Variants in RYR2 observed in about 807,000 individuals in gnomAD.
RYR2 encodes ryanodine receptor 2.
Under a neutral mutation model 601.1 loss-of-function variants are expected in RYR2, and 227 were observed. The observed-to-expected ratio is 0.38, with a 90% CI of 0.34 to 0.42. The LOEUF is 0.42. RYR2 is among the 10% of genes least tolerant of loss of function. RYR2 has a pLI of 1.00. For synonymous variants in RYR2, 2,223 were observed against 2,175.1 expected (o/e 1.02, Z -0.61); for missense variants, 4,646 against 6,156.5 (o/e 0.75, Z 8.21).
intron 61 of RYR2, among the ~76,000 whole-genome samples, chr1:237,678,509 C>T (rs1573482855): frequency 6.6e-6 from 1 of 152,176 alleles, no homozygotes; most frequent in Non-Finnish European, 1.5e-5. Flanking sequence ...ATTATAAGAA[C>T]ATTTAGTACA....
At chr1:237,727,375 G>T (rs1690288695) in intron 76 of RYR2, among the ~76,000 whole-genome samples, 176 bp downstream of exon 76, 1 of 152,116 alleles carries the variant, frequency 6.6e-6, no homozygotes, top group Non-Finnish European at 1.5e-5. Context: ...GAGAACTGTG[G>T]TCTTTAATGT....
chr1:237,373,053 A>T (rs56364275), intron 6 of RYR2, among the ~76,000 whole-genome samples: 1 of 152,232 alleles, frequency 6.6e-6, no homozygotes. Flanking sequence ...AAAAATTACA[A>T]AAGACTTTAA....
intron 1 of RYR2, among the ~76,000 whole-genome samples, chr1:237,152,578 T>C (rs1391815452): frequency 1.3e-5 from 2 of 152,168 alleles, no homozygotes; most frequent in Non-Finnish European, 2.9e-5. Flanking sequence ...TCATTGTGGT[T>C]TTGATTTGCA....
chr1:237,606,448 C>A (rs1365222235), intron 35 of RYR2, among the ~76,000 whole-genome samples: 2 of 152,164 alleles, frequency 1.3e-5, no homozygotes, highest in Non-Finnish European at 1.5e-5. Flanking sequence ...AATGTTCGAC[C>A]TAAAACCATA....
At chr1:237,286,529 T>TA (rs1691578680) in intron 2 of RYR2, among the ~76,000 whole-genome samples, 1 of 16,526 alleles carries the variant, frequency 6.1e-5, no homozygotes, top group South Asian at 4.3e-3. Flanking sequence ...TAAGTCCATT[T>TA]CTTCCAATGT....
chr1:237,739,167 T>C (rs188204651), intron 79 of RYR2, among the ~76,000 whole-genome samples: 2 of 152,366 alleles, frequency 1.3e-5, no homozygotes, highest in Non-Finnish European at 2.9e-5. Context: ...CTAAATCATG[T>C]GCTTACTGCT....
At chr1:237,347,757 C>CA (rs1429998397) in intron 3 of RYR2, among the ~76,000 whole-genome samples, 2 of 142,606 alleles carry the variant, frequency 1.4e-5, no homozygotes, top group Non-Finnish European at 2.9e-5. Flanking sequence ...GTGGGAAAAA[C>CA]AAAAAACAAG....
chr1:237,594,699 CT>C (rs1450123406), intron 33 of RYR2, among the ~76,000 whole-genome samples: 2 of 151,746 alleles, frequency 1.3e-5, no homozygotes, highest in Admixed American at 1.3e-4. Flanking sequence ...TTATCCCAGC[CT>C]TTTTGTTCTT....
In RYR2 at chr1:237,792,222, C is replaced by T. The variant is rs372599604; in HGVS notation, c.13681C>T (p.Leu4561=). The change falls in exon 94 of 105, where the codon CTA becomes TTA. Residue 4561 remains leucine (L), a synonymous_variant. Transcript: ENST00000366574. ...TAGAATCATCGCAGTTCACTATGTA[C>T]TAGAGGAGAGCAGCGGCTACATGGA... ...SHRIIAVHYV[L]EESSGYMEPT... is the part of the protein sequence containing the mutation. The T allele has an allele frequency of 2.5e-6, 4 of 1,613,638 alleles. No individual in the cohort carries two copies. The highest frequency in any genetic ancestry group is 1.6e-4 in the Middle Eastern group (1 of 6,084).
chr1:237,139,832 A>G (rs563689115), intron 1 of RYR2, among the ~76,000 whole-genome samples: 4 of 152,230 alleles, frequency 2.6e-5, no homozygotes, highest in Non-Finnish European at 5.9e-5. Context: ...GACAGACTCT[A>G]TGGTACTGAA....
chr1:237,344,903 C>G (rs527806050), intron 3 of RYR2, among the ~76,000 whole-genome samples: 1 of 152,148 alleles, frequency 6.6e-6, no homozygotes, highest in East Asian at 1.9e-4. Flanking sequence ...CTCTGCCTCC[C>G]GGATTCAAGC....
intron 1 of RYR2, among the ~76,000 whole-genome samples, chr1:237,147,097 AAT>A (rs757018734): frequency 2.0e-5 from 3 of 152,218 alleles, no homozygotes; most frequent in Non-Finnish European, 4.4e-5. Context: ...ATCTATTGAA[AAT>A]ATAGATGTGA....
intron 97 of RYR2, 69 bp downstream of exon 97, chr1:237,798,239 C>T (rs1190037617): frequency 5.6e-6 from 8 of 1,418,640 alleles, no homozygotes; most frequent in Non-Finnish European, 7.7e-6. Context: ...CATTTTTAAA[C>T]TTGTGCATTG....
At chr1:237,459,378 A>T (rs1659212020) in intron 16 of RYR2, among the ~76,000 whole-genome samples, 1 of 152,182 alleles carries the variant, frequency 6.6e-6, no homozygotes. Context: ...TGAGGCTGGA[A>T]GTTTGAGGCC....
intron 42 of RYR2, among the ~76,000 whole-genome samples, chr1:237,633,288 T>C (rs1181724036): frequency 6.6e-6 from 1 of 152,230 alleles, no homozygotes. Context: ...ATAGCGGTAG[T>C]GAGGCATCAC....
intron 29 of RYR2, among the ~76,000 whole-genome samples, chr1:237,586,534 GA>G (rs1254657125): frequency 1.3e-5 from 2 of 152,114 alleles, no homozygotes; most frequent in Non-Finnish European, 2.9e-5. Context: ...GCTAAGACAT[GA>G]ATCCTGGTTT....
intron 24 of RYR2, among the ~76,000 whole-genome samples, chr1:237,517,489 G>A (rs1558956202): frequency 6.6e-6 from 1 of 152,112 alleles, no homozygotes; most frequent in East Asian, 1.9e-4. Context: ...GATAGCTGAT[G>A]AACTAAAACA....
chr1:237,627,780 TAAAAAA>T, intron 40 of RYR2, 21 bp from the exon 41 acceptor site: 1 of 1,544,620 alleles, frequency 6.5e-7, no homozygotes, highest in Non-Finnish European at 8.8e-7. Context: ...ATTTTTCTTT[TAAAAAA>T]TATCCATAAT....
At chr1:237,150,373 T>C (rs1674570528) in intron 1 of RYR2, among the ~76,000 whole-genome samples, 1 of 152,172 alleles carries the variant, frequency 6.6e-6, no homozygotes, top group African/African-American at 2.4e-5. Context: ...ATCAATATCA[T>C]TGATGGGATG....
Sources: gnomAD v4.1 joint callset for allele counts (sites outside exome capture counted in the v4.1 genomes callset) on GRCh38, gnomAD v4.1.1 for gene constraint, MANE v1.5 for transcripts, NCBI Gene and HGNC (gene_info 2026-07-23, HGNC 2026-07-21) for gene names.